The following VPS13D variants were observed in gnomAD, a reference collection of about 807,000 sequenced individuals.
The protein encoded by VPS13D is vacuolar protein sorting 13 homolog D, also known as intermembrane lipid transfer protein VPS13D.
VPS13D carries 187 observed loss-of-function variants against 461.9 expected under a neutral mutation model. The observed-to-expected ratio is 0.40, with a 90% CI of 0.36 to 0.46. The LOEUF is 0.46. Ranked by LOEUF, VPS13D falls within the 20% of genes least tolerant of loss-of-function variation. The pLI, the probability that VPS13D is intolerant of heterozygous loss-of-function variation, is 0.60. For synonymous variants in VPS13D, 1,951 were observed against 1,986.3 expected, an observed-to-expected ratio of 0.98 and a Z score of 0.47; for missense variants, 4,711 against 5,364.9, an observed-to-expected ratio of 0.88 and a Z score of 3.81.
chr1:12,282,111 C>T (rs1223918314), intron 20 of VPS13D, among the ~76,000 whole-genome samples: 3 of 152,170 alleles, frequency 2.0e-5, no homozygotes, highest in Non-Finnish European at 4.4e-5. Flanking sequence ...TGGTCTTGAA[C>T]TCCTGGGCTC....
chr1:12,333,834 GT>G (rs1426109720), intron 38 of VPS13D, among the ~76,000 whole-genome samples: 2 of 152,200 alleles, frequency 1.3e-5, no homozygotes, highest in Admixed American at 6.5e-5. Flanking sequence ...GGTTAGTGGT[GT>G]GTTATCTAAA....
intron 55 of VPS13D, among the ~76,000 whole-genome samples, chr1:12,376,667 T>C (rs991839911): frequency 8.5e-5 from 13 of 152,354 alleles, no homozygotes; most frequent in African/African-American, 2.6e-4. Flanking sequence ...CATGCTACTT[T>C]GTTAGTTTTT....
chr1:12,407,884 GC>G (rs145530824), intron 63 of VPS13D, among the ~76,000 whole-genome samples: 2,873 of 152,270 alleles, frequency 0.019, 107 homozygotes, highest in Admixed American at 0.099. Flanking sequence ...GGGTATAAAA[GC>G]TTTTTACCTT....
At chr1:12,501,374 A>G (rs1306137316) in intron 68 of VPS13D, among the ~76,000 whole-genome samples, 1 of 152,250 alleles carries the variant, frequency 6.6e-6, no homozygotes, top group Non-Finnish European at 1.5e-5. Flanking sequence ...GAAATAATGT[A>G]CTAGTAACTG....
chr1:12,316,351 T>C lies in VPS13D; in HGVS notation c.7149-1721T>C, dbSNP rs556095342. 3.3e-5 allele frequency among the ~76,000 whole-genome samples: 5 copies of C among 152,344 alleles called. No individual in the cohort carries two copies. The South Asian group carries it at 8.3e-4, about 25-fold the overall frequency. On this transcript the variant is annotated intron_variant, in intron 30 of 69. Coordinates refer to ENST00000620676, the MANE Select transcript of VPS13D (RefSeq NM_015378.4). ...TTAGATGGGAATTTTTGAACGCCTTTCGTGTCTGAAGAAGAATTACTCTTC... is the reference window on the plus strand; with the variant it reads ...TTAGATGGGAATTTTTGAACGCCTTCCGTGTCTGAAGAAGAATTACTCTTC...
chr1:12,385,095 T>C (rs1293926358), intron 58 of VPS13D, among the ~76,000 whole-genome samples, 165 bp from the exon 59 acceptor site: 1 of 152,226 alleles, frequency 6.6e-6, no homozygotes, highest in African/African-American at 2.4e-5. Flanking sequence ...CCAAGTTTGC[T>C]TCTTTATTAC....
At chr1:12,354,740 GCACT>G (rs1643871702) in intron 47 of VPS13D, among the ~76,000 whole-genome samples, 1 of 152,144 alleles carries the variant, frequency 6.6e-6, no homozygotes, top group Non-Finnish European at 1.5e-5. Context: ...CGTTTGCTAA[GCACT>G]CACTCTATTC....
At position 12,488,669 on chromosome 1, in the gene VPS13D, CAAAAAAAAAAA is replaced by C. The variant is rs79424685; in HGVS notation, c.12663-8818_12663-8808del. Among the ~76,000 whole-genome samples the C allele has an allele frequency of 5.8e-3, 478 of 82,814 alleles. 8 individuals are homozygous for C. The highest frequency in any genetic ancestry group is 0.02 in the African/African-American group (455 of 22,872). The allele number at this position is 82,814 out of a possible 152,430, so 54.3% of individuals were successfully genotyped here. A position where few individuals can be genotyped will look rare whatever the true frequency, so the allele number is the denominator to read the frequency against. ...GCTAAGGCAGGAAAATCATTTGAAC[CAAAAAAAAAAA>C]AAAAAAAAAAAAGTAGTGAAAATGT... On this transcript the variant is annotated intron_variant, in intron 67 of 69. Transcript: ENST00000620676.
intron 24 of VPS13D, among the ~76,000 whole-genome samples, chr1:12,295,322 TTAAA>T (rs1255540219): frequency 3.9e-5 from 6 of 152,124 alleles, no homozygotes; most frequent in Non-Finnish European, 8.8e-5. Context: ...ACATTTTAAT[TTAAA>T]TAAAAAATGT....
At chr1:12,249,197 C>G (rs374299571) in intron 5 of VPS13D, 26 bp from the exon 6 acceptor site, 2 of 1,563,468 alleles carry the variant, frequency 1.3e-6, no homozygotes, top group Admixed American at 3.4e-5. Context: ...GGTGCATCAG[C>G]TGCTTTTTCT....
intron 63 of VPS13D, 95 bp downstream of exon 63, chr1:12,404,068 TGC>T: frequency 8.5e-7 from 1 of 1,169,794 alleles, no homozygotes. Context: ...TGTGTGTGTG[TGC>T]TTTTTTTTTT....
chr1:12,460,308 A>T lies in VPS13D; in HGVS notation c.12574A>T (p.Thr4192Ser). The T allele has an allele frequency of 1.2e-6, 2 of 1,612,450 alleles. No individual in the cohort carries two copies. The highest frequency in any genetic ancestry group is 1.7e-6 in the Non-Finnish European group (2 of 1,179,288). Residue 4192 changes from threonine (T) to serine (S), a missense_variant, in exon 67 of 70, where the codon ACT becomes TCT. This residue lies in a region of VPS13D where 106 missense variants were observed against 206.2 expected (regional missense o/e 0.51). Coordinates refer to ENST00000620676, the MANE Select transcript of VPS13D (RefSeq NM_015378.4). ...ISGLGKGLVG[T>S]VTKPVAGALD... The stretch of plus-strand genomic sequence containing the variant: ...TGGCCTTGGAAAAGGGCTTGTTGGC[A>T]CTGTAACCAAGCCAGTGGCAGGCGC...
intron 7 of VPS13D, 87 bp downstream of exon 7, chr1:12,253,913 CCT>C (rs1354716330): frequency 9.9e-7 from 1 of 1,011,564 alleles, no homozygotes; most frequent in Non-Finnish European, 1.5e-6. Flanking sequence ...TTGTCTCTTG[CCT>C]CTCTGATTCC....
intron 25 of VPS13D, among the ~76,000 whole-genome samples, chr1:12,303,664 A>T (rs1398516054): frequency 2.0e-5 from 3 of 152,192 alleles, no homozygotes; most frequent in African/African-American, 7.2e-5. Context: ...AGCTGAGAGG[A>T]GTCAACATAA....
rs1569972404 is a variant in VPS13D at position 12,349,489 on chromosome 1, T to G, written c.9431+115T>G. 2.9e-6 allele frequency: 3 copies of G among 1,038,094 alleles called. No homozygotes were observed. In the East Asian group the frequency reaches 7.6e-5, roughly 26 times the overall value. The allele number at this position is 1,038,094 out of a possible 1,614,324, so 64.3% of individuals were successfully genotyped here. ...GAGATTCAGTTATCTTTATTTAAAC[T>G]CTAAAGTTCTTATTCCTTGAGTTTT... On this transcript the variant is annotated intron_variant, in intron 46 of 69. Transcript: ENST00000620676.
intron 32 of VPS13D, among the ~76,000 whole-genome samples, chr1:12,321,255 TTTAA>T (rs1170688958): frequency 6.6e-6 from 1 of 152,220 alleles, no homozygotes; most frequent in Non-Finnish European, 1.5e-5. Context: ...TATGTTTATT[TTTAA>T]TTATGAAGAT....
intron 65 of VPS13D, among the ~76,000 whole-genome samples, chr1:12,434,877 G>T (rs534416889): frequency 2.0e-5 from 3 of 152,268 alleles, no homozygotes; most frequent in African/African-American, 7.2e-5. Context: ...TGGTGGGTTT[G>T]TTTTTGTCTG....
intron 46 of VPS13D, 87 bp from the exon 47 acceptor site, chr1:12,353,887 T>C: frequency 7.3e-7 from 1 of 1,372,660 alleles, no homozygotes; most frequent in Non-Finnish European, 9.9e-7. Context: ...ACCATCTTAA[T>C]GTTATTCTTT....
At position 12,416,700 on chromosome 1, in the gene VPS13D, A is replaced by T. The variant is rs759698500; in HGVS notation, c.12206A>T (p.Asp4069Val). The T allele has an allele frequency of 8.7e-6, 14 of 1,613,720 alleles. No individual in the cohort carries two copies. Among genetic ancestry groups the T allele is most frequent in the Non-Finnish European group, 1.2e-5 (14 of 1,179,952 alleles). ...GCAGCTCGAATCCTGGGATCAGTGGATTTTCTTGGCAATCCTATGGGGCTT... is the reference window on the plus strand; with the variant it reads ...GCAGCTCGAATCCTGGGATCAGTGGTTTTTCTTGGCAATCCTATGGGGCTT... ...SQAARILGSV[D>V]FLGNPMGLLN... is the part of the protein sequence containing the mutation. The change falls in exon 65 of 70, where the codon GAT (aspartate) becomes GTT (valine). Residue 4069 changes from aspartate to valine, a missense_variant. Physicochemically the swap from Asp to Val is radical, Grantham distance 152. This residue lies in a region of VPS13D where 106 missense variants were observed against 206.2 expected (regional missense o/e 0.51). Coordinates refer to ENST00000620676, the MANE Select transcript of VPS13D (RefSeq NM_015378.4).
Sources: allele counts gnomAD v4.1 joint callset (sites outside exome capture counted in the v4.1 genomes callset), GRCh38; gene constraint gnomAD v4.1.1; regional missense constraint gnomAD v4.1.1; transcripts MANE v1.5; gene names NCBI Gene and HGNC (gene_info 2026-07-23, HGNC 2026-07-21).